Variants in CFAP54 observed in about 807,000 individuals in gnomAD.
CFAP54 encodes the protein cilia and flagella associated protein 54.
CFAP54 carries 290 observed loss-of-function variants against 370.4 expected under a neutral mutation model. The ratio of observed to expected loss-of-function variants is 0.78; its 90% confidence interval spans 0.71 to 0.86. The LOEUF (loss-of-function observed/expected upper bound fraction) is 0.86, where lower values mean the gene tolerates loss of function less well. CFAP54 is among the 40% of genes least tolerant of loss of function. The pLI, the probability that CFAP54 is intolerant of heterozygous loss-of-function variation, is 0.00. For synonymous variants in CFAP54, 1,206 were observed against 1,236.5 expected (o/e 0.98, Z 0.52); for missense variants, 3,399 against 3,528.7 (o/e 0.96, Z 0.93).
intron 1 of CFAP54, among the ~76,000 whole-genome samples, chr12:96,497,708 G>C (rs761156016): frequency 3.9e-5 from 6 of 152,146 alleles, no homozygotes; most frequent in Non-Finnish European, 7.3e-5. Context: ...ACGCCTTCAA[G>C]ATAATTATAG....
Position 96,534,219 on chromosome 12 carries a change from C to T in CFAP54, c.1697C>T (p.Ala566Val), listed in dbSNP as rs879737066. The change falls in exon 11 of 68, where the codon GCT (alanine) becomes GTT (valine). Residue 566 changes from alanine to valine, a missense_variant. Ala to Val is a moderately conservative substitution (Grantham distance 64). This residue lies in a region of CFAP54 where 2,796 missense variants were observed against 2,869.7 expected (regional missense o/e 0.97). Coordinates refer to ENST00000524981, the MANE Select transcript of CFAP54 (RefSeq NM_001306084.2). ...QSTQIYLKKI[A>V]VHDTCLKTCG... ...ACTCAAATTTATTTAAAAAAAATTG[C>T]TGTTCATGGTAAGTATTTATTTGTT... The T allele has an allele frequency of 7.8e-5, 111 of 1,425,742 alleles. No homozygotes were observed. Among genetic ancestry groups the T allele is most frequent in the Non-Finnish European group, 1.0e-4 (107 of 1,060,970 alleles). The allele number at this position is 1,425,742 out of a possible 1,614,324, so 88.3% of individuals were successfully genotyped here.
chr12:96,494,523 A>G (rs1488248599), intron 1 of CFAP54, among the ~76,000 whole-genome samples: 3 of 145,944 alleles, frequency 2.1e-5, no homozygotes, highest in Non-Finnish European at 4.6e-5. Context: ...CTGGTCTCAA[A>G]CTCCTGATCT....
intron 26 of CFAP54, among the ~76,000 whole-genome samples, chr12:96,603,798 A>C (rs1043545844): frequency 6.6e-6 from 1 of 152,136 alleles, no homozygotes; most frequent in Non-Finnish European, 1.5e-5. Flanking sequence ...TGTGGTTTTC[A>C]GCTACATCAG....
chr12:96,682,189 G>C, intron 40 of CFAP54: 1 of 985,630 alleles, frequency 1.0e-6, no homozygotes, highest in Non-Finnish European at 1.2e-6. Flanking sequence ...TGGAAAGGTG[G>C]AATTTTGCCT....
In CFAP54 at chr12:96,817,764, G is replaced by A. The variant is rs1252198755; in HGVS notation, c.8958-11G>A. 13 of 1,431,310 alleles carry A rather than the reference G, an allele frequency of 9.1e-6. No homozygotes were observed. Among genetic ancestry groups the A allele is most frequent in the South Asian group, 2.8e-5 (2 of 70,488 alleles). The allele number at this position is 1,431,310 out of a possible 1,614,324, so 88.7% of individuals were successfully genotyped here. ...CTTCAAATAAAATACATATATATTT[G>A]TTATTTTCAGGGTTATTGCAATTCA... On this transcript the variant is annotated splice_polypyrimidine_tract_variant and intron_variant, in intron 64 of 67. Coordinates refer to ENST00000524981, the MANE Select transcript of CFAP54 (RefSeq NM_001306084.2).
At chr12:96,717,766 T>A (rs570533326) in intron 48 of CFAP54, among the ~76,000 whole-genome samples, 1 of 152,368 alleles carries the variant, frequency 6.6e-6, no homozygotes, top group African/African-American at 2.4e-5. Context: ...CATGGAGATC[T>A]TATTGAAATG....
At chr12:96,817,150 C>T (rs933699486) in intron 64 of CFAP54, among the ~76,000 whole-genome samples, 1 of 152,154 alleles carries the variant, frequency 6.6e-6, no homozygotes, top group Non-Finnish European at 1.5e-5. Flanking sequence ...GATTTTGTTT[C>T]ACCACATAGA....
At position 96,691,258 on chromosome 12, in the gene CFAP54, C is replaced by T. The variant is rs779033035; in HGVS notation, c.6212C>T (p.Ala2071Val). ...RYRADICSVI[A>V]SLYYIIRELH... The stretch of plus-strand genomic sequence containing the variant: ...AGGGCTGACATTTGCTCTGTAATTG[C>T]AAGTCTGTATTACATTATACGTGAA... Residue 2071 changes from alanine to valine, a missense_variant, in exon 44 of 68, where the codon GCA becomes GTA. Physicochemically the swap from Ala to Val is moderately conservative, Grantham distance 64 (BLOSUM62 0). Coordinates refer to ENST00000524981, the MANE Select transcript of CFAP54 (RefSeq NM_001306084.2). 9.3e-6 allele frequency: 15 copies of T among 1,611,900 alleles called. No homozygotes were observed. The highest frequency in any genetic ancestry group is 1.2e-5 in the Non-Finnish European group (14 of 1,179,268).
chr12:96,646,974 T>G (rs1220121817), intron 33 of CFAP54: 3 of 151,714 alleles, frequency 2.0e-5, no homozygotes, highest in Admixed American at 2.0e-4. Context: ...AGTGGGGAGG[T>G]ATAGCATTAG....
chr12:96,569,139 G>A (rs1466330501), intron 19 of CFAP54, among the ~76,000 whole-genome samples: 1 of 152,176 alleles, frequency 6.6e-6, no homozygotes, highest in Admixed American at 6.6e-5. Flanking sequence ...TGTCTTTGTA[G>A]ATGTAATTTC....
chr12:96,645,147 T>C (rs1317332147), intron 33 of CFAP54: 3 of 456,668 alleles, frequency 6.6e-6, no homozygotes, highest in Non-Finnish European at 1.3e-5. Context: ...TTTCTATCAT[T>C]AACTCAACAG....
At chr12:96,815,324 CAT>C (rs202113344) in intron 64 of CFAP54, among the ~76,000 whole-genome samples, 4,052 of 152,152 alleles carry the variant, frequency 0.027, 188 homozygotes, top group African/African-American at 0.091. Flanking sequence ...AGCTTTTTTT[CAT>C]ATGTTTGTTG....
intron 46 of CFAP54, among the ~76,000 whole-genome samples, chr12:96,702,584 T>A (rs975251325): frequency 5.3e-5 from 8 of 152,170 alleles, no homozygotes; most frequent in African/African-American, 1.9e-4. Context: ...GTTCAGAAGC[T>A]AATTTTTACA....
At chr12:96,818,395 G>A (rs1018886209) in intron 65 of CFAP54, among the ~76,000 whole-genome samples, 3 of 152,188 alleles carry the variant, frequency 2.0e-5, no homozygotes, top group African/African-American at 7.2e-5. Context: ...CAGCTGAGTT[G>A]TTTTTCTGAT....
intron 14 of CFAP54, among the ~76,000 whole-genome samples, chr12:96,543,292 G>A (rs147561655): frequency 1.3e-5 from 2 of 152,346 alleles, no homozygotes; most frequent in African/African-American, 4.8e-5. Context: ...CAGTGGAGAA[G>A]TGAGACAGCG....
At chr12:96,762,901 T>C (rs943171268) in intron 58 of CFAP54, among the ~76,000 whole-genome samples, 1 of 152,194 alleles carries the variant, frequency 6.6e-6, no homozygotes, top group Non-Finnish European at 1.5e-5. Flanking sequence ...TTACGCCTTA[T>C]ACTTGTTGCT....
At chr12:96,521,554 G>A (rs1955319145) in intron 6 of CFAP54, among the ~76,000 whole-genome samples, 1 of 150,500 alleles carries the variant, frequency 6.6e-6, no homozygotes, top group Non-Finnish European at 1.5e-5. Flanking sequence ...GTGTGCGCGT[G>A]CGCACATGAG....
At chr12:96,863,710 G>T (rs566581037) in intron 67 of CFAP54, among the ~76,000 whole-genome samples, 1 of 152,136 alleles carries the variant, frequency 6.6e-6, no homozygotes, top group Non-Finnish European at 1.5e-5. Flanking sequence ...ATGGAAGGGG[G>T]TCCCCCATGT....
intron 9 of CFAP54, among the ~76,000 whole-genome samples, chr12:96,533,088 T>C (rs964622330): frequency 5.3e-5 from 8 of 152,156 alleles, no homozygotes; most frequent in Admixed American, 3.3e-4. Flanking sequence ...TATTGCTCAA[T>C]CCAGGGGTCA....
Sources: allele counts gnomAD v4.1 joint callset (sites outside exome capture counted in the v4.1 genomes callset), GRCh38; gene constraint gnomAD v4.1.1; regional missense constraint gnomAD v4.1.1; transcripts MANE v1.5; gene names NCBI Gene and HGNC (gene_info 2026-07-23, HGNC 2026-07-21).